SMC5: variants seen among roughly 807,000 people sequenced by gnomAD.
SMC5 encodes the protein structural maintenance of chromosomes 5, also known as structural maintenance of chromosomes protein 5.
SMC5 carries 88 observed loss-of-function variants against 148.3 expected under a neutral mutation model. The observed-to-expected ratio is 0.59, with a 90% CI of 0.50 to 0.71. SMC5 has a LOEUF of 0.71. Ranked by LOEUF, SMC5 falls within the 30% of genes least tolerant of loss-of-function variation. SMC5 has a pLI of 0.00. For missense variants in SMC5, 1,142 were observed against 1,298.9 expected (o/e 0.88, Z 1.86); for synonymous variants, 421 against 432.8 (o/e 0.97, Z 0.34).
At chr9:70,344,688 AAAG>A in intron 18 of SMC5, 1 of 152,178 alleles carries the variant, frequency 6.6e-6, no homozygotes, top group South Asian at 2.1e-4. Context: ...GAAAAGGAAA[AAAG>A]AGGTCTTATT....
intron 10 of SMC5, among the ~76,000 whole-genome samples, chr9:70,304,265 G>A (rs1035869262): frequency 1.3e-5 from 2 of 151,950 alleles, no homozygotes; most frequent in African/African-American, 2.4e-5. Flanking sequence ...TTATTGTAGA[G>A]ACAGGGTCTC....
chr9:70,292,571 C>A (rs987595897), intron 8 of SMC5, among the ~76,000 whole-genome samples: 2 of 152,100 alleles, frequency 1.3e-5, no homozygotes, highest in East Asian at 3.8e-4. Context: ...AAATCTTCAC[C>A]TTATTCTTGA....
chr9:70,354,028 A>G lies in SMC5; in HGVS notation c.*1697A>G, dbSNP rs1253530641. 6.6e-6 allele frequency: 1 copy of G among 152,236 alleles called. No individual in the cohort carries two copies. Among genetic ancestry groups the G allele is most frequent in the Non-Finnish European group, 1.5e-5 (1 of 68,036 alleles). The allele number at this position is 152,236 out of a possible 1,614,324, so 9.4% of individuals were successfully genotyped here. On this transcript the variant is annotated 3_prime_UTR_variant, in exon 25 of 25. Transcript: ENST00000361138. ...GTTTGAAAATAAAATGGTCAATTAC[A>G]TTTCAATTTACATAGGCCAACAACT...
Position 70,352,333 on chromosome 9 carries a change from AAAAGT to A in SMC5, c.*7_*11del. ...ATTACATTCACTCAACCTTCTTAAT[AAAAGT>A]AAAGAGAGGGAACTTGGGAATTTTT... is the stretch of plus-strand genomic sequence containing the variant. On this transcript the variant is annotated 3_prime_UTR_variant, in exon 25 of 25. Transcript: ENST00000361138. The A allele has an allele frequency of 6.3e-7, 1 of 1,583,858 alleles. No homozygotes were observed. Among genetic ancestry groups the A allele is most frequent in the Non-Finnish European group, 8.6e-7 (1 of 1,168,472 alleles).
chr9:70,282,448 T>C lies in SMC5; in HGVS notation c.846T>C (p.Tyr282=), dbSNP rs914728818. The C allele has an allele frequency of 1.2e-6, 2 of 1,600,604 alleles. No homozygotes were observed. The highest frequency in any genetic ancestry group is 1.3e-5 in the African/African-American group (1 of 74,216). ...WVEYENVRQE[Y]EEVKLVRDRV... The stretch of plus-strand genomic sequence containing the variant: ...AATATGAAAATGTTCGTCAGGAATA[T>C]GAAGAAGTAAAACTAGTTCGTGACC... Residue 282 remains tyrosine, a synonymous_variant, in exon 7 of 25, where the codon TAT becomes TAC. Coordinates refer to ENST00000361138, the MANE Select transcript of SMC5 (RefSeq NM_015110.4).
intron 11 of SMC5, among the ~76,000 whole-genome samples, chr9:70,309,018 G>T (rs899614001): frequency 6.6e-6 from 1 of 152,128 alleles, no homozygotes; most frequent in Non-Finnish European, 1.5e-5. Context: ...TCTATTAAGT[G>T]TGAATAGCAT....
rs1215459956 is a variant in SMC5, at chr9:70,352,805, T to C, written c.*474T>C. On this transcript the variant is annotated 3_prime_UTR_variant, in exon 25 of 25. Coordinates refer to ENST00000361138, the MANE Select transcript of SMC5 (RefSeq NM_015110.4). ...ATGTCTAATGTATAGTAATAATTTA[T>C]GACAGATCTAGTCATTTCTTCCTAT... The C allele has an allele frequency of 6.6e-6, 1 of 152,304 alleles. No individual in the cohort carries two copies. Among genetic ancestry groups the C allele is most frequent in the African/African-American group, 2.4e-5 (1 of 41,442 alleles). 9.4% of individuals were successfully genotyped at this position (152,304 alleles called of 1,614,324 possible). A position where few individuals can be genotyped will look rare whatever the true frequency, so the allele number is the denominator to read the frequency against.
rs183948185 is a variant in SMC5 at position 70,262,671 on chromosome 9, T to C, written c.186-1633T>C. On this transcript the variant is annotated intron_variant, in intron 1 of 24. Coordinates refer to ENST00000361138, the MANE Select transcript of SMC5 (RefSeq NM_015110.4). Reference sequence around the variant, plus strand: ...GCGTTATTGAGGTGACCATTGCATATAGAGGTCATCTGGACTGCTTTCAGC... The same window carrying C: ...GCGTTATTGAGGTGACCATTGCATACAGAGGTCATCTGGACTGCTTTCAGC... 9.8e-5 allele frequency among the ~76,000 whole-genome samples: 15 copies of C among 152,292 alleles called. No homozygotes were observed. In the East Asian group the frequency reaches 2.9e-3, roughly 29 times the overall value.
At chr9:70,326,352 T>C (rs2036074859) in intron 17 of SMC5, among the ~76,000 whole-genome samples, 1 of 152,146 alleles carries the variant, frequency 6.6e-6, no homozygotes. Context: ...TTATGGTATG[T>C]AAATTATACC....
rs867577540 is a variant in SMC5, at chr9:70,352,421, C to T, written c.*90C>T. ...CTGAATAAAAGGAGATTCACTAAAA[C>T]GAAAAGCAGTTATTTTTGGAAACCT... On this transcript the variant is annotated 3_prime_UTR_variant, in exon 25 of 25. Coordinates refer to ENST00000361138, the MANE Select transcript of SMC5 (RefSeq NM_015110.4). The T allele has an allele frequency of 2.1e-5, 28 of 1,315,642 alleles. No homozygotes were observed. The highest frequency in any genetic ancestry group is 5.0e-5 in the Admixed American group (2 of 40,324). 81.5% of individuals were successfully genotyped at this position (1,315,642 alleles called of 1,614,324 possible).
chr9:70,318,988 G>C, intron 15 of SMC5, 25 bp downstream of exon 15: 2 of 1,578,254 alleles, frequency 1.3e-6, no homozygotes, highest in Non-Finnish European at 1.7e-6. Context: ...ATTCAGGGGG[G>C]AGAGCACAAA....
intron 11 of SMC5, among the ~76,000 whole-genome samples, chr9:70,313,996 C>T (rs1377554613): frequency 6.6e-6 from 1 of 152,122 alleles, no homozygotes; most frequent in Non-Finnish European, 1.5e-5. Flanking sequence ...TAGTTTTAGC[C>T]TTCCACTTGT....
rs981104638 is a variant in SMC5 at position 70,321,081 on chromosome 9, C to T, written c.2150+2118C>T. ...CAGGTATCCCCAGGAGTCTGTAGAC[C>T]GGACTTTGAGAACCACTGCCCTACA... is the stretch of plus-strand genomic sequence containing the variant. On this transcript the variant is annotated intron_variant, in intron 15 of 24. Coordinates refer to ENST00000361138, the MANE Select transcript of SMC5 (RefSeq NM_015110.4). 1.2e-4 allele frequency among the ~76,000 whole-genome samples: 19 copies of T among 152,246 alleles called. No homozygotes were observed. In the East Asian group the frequency reaches 2.3e-3, roughly 19 times the overall value.
intron 11 of SMC5, among the ~76,000 whole-genome samples, chr9:70,313,250 A>T (rs74607068): frequency 0.099 from 14,989 of 152,112 alleles, 823 homozygotes; most frequent in African/African-American, 0.12. Context: ...TTTTCATTTC[A>T]GATAATGCAT....
intron 17 of SMC5, among the ~76,000 whole-genome samples, chr9:70,343,768 A>ATCACG (rs1169908816): frequency 6.6e-6 from 1 of 152,130 alleles, no homozygotes; most frequent in Admixed American, 6.6e-5. Flanking sequence ...GTGAGCTGAG[A>ATCACG]TCACGTCACG....
chr9:70,309,022 A>G (rs964311966), intron 11 of SMC5, among the ~76,000 whole-genome samples: 1 of 152,196 alleles, frequency 6.6e-6, no homozygotes, highest in Non-Finnish European at 1.5e-5. Context: ...TTAAGTGTGA[A>G]TAGCATTATG....
At chr9:70,288,841 A>AC (rs2034978134) in intron 8 of SMC5, among the ~76,000 whole-genome samples, 1 of 151,234 alleles carries the variant, frequency 6.6e-6, no homozygotes, top group Admixed American at 6.6e-5. Flanking sequence ...ATTTTTTGAG[A>AC]CTTTTTTTTG....
chr9:70,336,864 C>T (rs1171359881), intron 17 of SMC5, among the ~76,000 whole-genome samples: 2 of 152,108 alleles, frequency 1.3e-5, no homozygotes, highest in African/African-American at 2.4e-5. Context: ...AAGACATACC[C>T]GAGACTGGGC....
chr9:70,269,596 CA>C (rs772263647), intron 3 of SMC5, among the ~76,000 whole-genome samples: 1 of 151,690 alleles, frequency 6.6e-6, no homozygotes, highest in African/African-American at 2.4e-5. Flanking sequence ...AAAACAAAAA[CA>C]AAAAAAGTCA....
Sources: gnomAD v4.1 joint callset for allele counts (sites outside exome capture counted in the v4.1 genomes callset) on GRCh38, gnomAD v4.1.1 for gene constraint, MANE v1.5 for transcripts, NCBI Gene and HGNC (gene_info 2026-07-23, HGNC 2026-07-21) for gene names.